The following LARS1 variants were observed in gnomAD, a reference collection of about 807,000 sequenced individuals.
The protein encoded by LARS1 is leucyl-tRNA synthetase 1, also known as leucine--tRNA ligase, cytoplasmic.
LARS1 carries 100 observed loss-of-function variants against 162.8 expected under a neutral mutation model. The ratio of observed to expected loss-of-function variants is 0.61; its 90% CI spans 0.52 to 0.73. The LOEUF (loss-of-function observed/expected upper bound fraction) is 0.73. LARS1 is among the 30% of genes least tolerant of loss of function. The probability of loss-of-function intolerance (pLI) is 0.00; values close to 1 mark genes in which losing one functional copy is unlikely to be tolerated. For synonymous variants in LARS1, 457 were observed against 462.8 expected (o/e 0.99, Z 0.16); for missense variants, 1,258 against 1,408.9 (o/e 0.89, Z 1.71).
chr5:146,157,367 T>C (rs1753577029), intron 10 of LARS1, 36 bp downstream of exon 10: 2 of 1,554,418 alleles, frequency 1.3e-6, no homozygotes, highest in Admixed American at 3.4e-5. Flanking sequence ...CCTTGAAATT[T>C]ACGCATTAAA....
In LARS1 at chr5:146,153,241, T is replaced by A; in HGVS notation, c.1231-14A>T. 1 of 1,604,368 alleles carries A rather than the reference T, an allele frequency of 6.2e-7. No homozygotes were observed. ...TGCTCGTAAGGCCTACAGAAAAATT[T>A]GCAAGTTAACACTAATGATCAACAC... On this transcript the variant is annotated splice_polypyrimidine_tract_variant and intron_variant, in intron 12 of 31. Transcript: ENST00000394434.
At chr5:146,127,583 G>A (rs1046199193) in intron 27 of LARS1, among the ~76,000 whole-genome samples, 10 of 151,950 alleles carry the variant, frequency 6.6e-5, no homozygotes, top group Non-Finnish European at 1.2e-4. Context: ...TATTATATTT[G>A]GGTTCTTCCA....
chr5:146,161,834 A>G (rs1753794354), intron 6 of LARS1, among the ~76,000 whole-genome samples: 1 of 152,170 alleles, frequency 6.6e-6, no homozygotes, highest in Admixed American at 6.5e-5. Flanking sequence ...GATATTCAAA[A>G]TCTTTGTCAT....
intron 24 of LARS1, 97 bp downstream of exon 24, chr5:146,130,922 G>C (rs915386318): frequency 3.4e-6 from 2 of 585,214 alleles, no homozygotes; most frequent in African/African-American, 3.8e-5. Context: ...CTACACTTTA[G>C]GCGAGTAATT....
In LARS1 at chr5:146,177,652, G is replaced by A; in HGVS notation, c.20C>T (p.Thr7Ile). The A allele has an allele frequency of 1.3e-6, 2 of 1,584,856 alleles. No individual in the cohort carries two copies. Among genetic ancestry groups the A allele is most frequent in the African/African-American group, 1.3e-5 (1 of 74,242 alleles). The change falls in exon 2 of 32, where the codon ACA becomes ATA. Residue 7 changes from threonine (T) to isoleucine (I), a missense_variant. Transcript: ENST00000394434. MAERKG[T>I]AKVDFLKKIE... ...CTTCTTCAAAAAGTCCACTTTGGCT[G>A]TTCCTTTTCTTTCCTATTGGACACA...
Position 146,114,074 on chromosome 5 carries a change from G to A in LARS1, c.*32C>T. On this transcript the variant is annotated 3_prime_UTR_variant, in exon 32 of 32. Transcript: ENST00000394434. The stretch of plus-strand genomic sequence containing the variant: ...ACAATCAGAGTAGTAGTATTCCTAA[G>A]AAACCAGGATAAATCTCCAATGTGC... 2 of 1,545,986 alleles carry A rather than the reference G, an allele frequency of 1.3e-6. No individual in the cohort carries two copies. The highest frequency in any genetic ancestry group is 1.8e-6 in the Non-Finnish European group (2 of 1,119,554).
At chr5:146,140,368 A>T in intron 20 of LARS1, 107 bp from the exon 21 acceptor site, 3 of 822,232 alleles carry the variant, frequency 3.6e-6, no homozygotes, top group Non-Finnish European at 6.1e-6. Flanking sequence ...TTGCTAAGAT[A>T]AAAGTGCAAG....
At chr5:146,176,500 T>C (rs1465747822) in intron 2 of LARS1, among the ~76,000 whole-genome samples, 1 of 149,196 alleles carries the variant, frequency 6.7e-6, no homozygotes, top group Non-Finnish European at 1.5e-5. Context: ...AATGAGAGTA[T>C]ACATGTAAAA....
In LARS1 at chr5:146,143,218, C is replaced by T. The variant is rs542839929; in HGVS notation, c.1878-134G>A. 9.7e-5 allele frequency: 80 copies of T among 822,812 alleles called. 1 individual carries two copies. The South Asian group carries it at 1.9e-3, about 20-fold the overall frequency. 51.0% of individuals were successfully genotyped at this position (822,812 alleles called of 1,614,324 possible). A position where few individuals can be genotyped will look rare whatever the true frequency, so the allele number is the denominator to read the frequency against. Reference sequence around the variant, plus strand: ...TTACAGGAACAAATAAGGACAACAGCTTCCATAAGAATGAAGAATAGATGA... The same window carrying T: ...TTACAGGAACAAATAAGGACAACAGTTTCCATAAGAATGAAGAATAGATGA... On this transcript the variant is annotated intron_variant, in intron 19 of 31. Coordinates refer to ENST00000394434, the MANE Select transcript of LARS1 (RefSeq NM_020117.11).
rs13161075 is a variant in LARS1 at position 146,144,838 on chromosome 5, G to C, written c.1504-129C>G. ...AAAGCCCACATTTTCATTATGTCTT[G>C]CCCGCCTTCCCAGGGTCAGTCATCT... On this transcript the variant is annotated intron_variant, in intron 15 of 31. Coordinates refer to ENST00000394434, the MANE Select transcript of LARS1 (RefSeq NM_020117.11). 193,998 of 750,416 alleles carry C rather than the reference G, an allele frequency of 0.26. 27,753 individuals carry two copies. Among genetic ancestry groups the C allele is most frequent in the Admixed American group, 0.39 (15,303 of 39,430 alleles). 46.5% of individuals were successfully genotyped at this position (750,416 alleles called of 1,614,324 possible).
At chr5:146,167,559 A>T in intron 5 of LARS1, among the ~76,000 whole-genome samples, 1 of 151,822 alleles carries the variant, frequency 6.6e-6, no homozygotes, top group African/African-American at 2.4e-5. Context: ...GCCCACCACC[A>T]CGCCCGGCTA....
rs1373135975 is a variant in LARS1 at position 146,142,852 on chromosome 5, A to G, written c.2090+20T>C. 6.3e-7 allele frequency: 1 copy of G among 1,580,768 alleles called. No individual in the cohort carries two copies. The highest frequency in any genetic ancestry group is 1.1e-5 in the South Asian group (1 of 89,900). On this transcript the variant is annotated intron_variant, in intron 20 of 31. Transcript: ENST00000394434. ...TATTGACAATCAATAAATCTAGTCC[A>G]CACCTATTTTATCATTCACCTTTGT...
Position 146,159,438 on chromosome 5 carries a change from G to A in LARS1, c.740C>T (p.Pro247Leu). 1 of 1,612,318 alleles carries A rather than the reference G, an allele frequency of 6.2e-7. No individual in the cohort carries two copies. Among genetic ancestry groups the A allele is most frequent in the Non-Finnish European group, 8.5e-7 (1 of 1,178,582 alleles). Residue 247 changes from proline (P) to leucine (L), a missense_variant, in exon 8 of 32, where the codon CCT becomes CTT. Transcript: ENST00000394434. ...YTIYSPKDGQPCMDHDRQTGE... is the reference protein window; with the variant it reads ...YTIYSPKDGQLCMDHDRQTGE... ...AGTTTGTCTATCATGATCCATGCAA[G>A]GCTGTCCATCTTTCGGAGAGTAAAT...
chr5:146,181,377 A>AC (rs1324659470), intron 1 of LARS1, among the ~76,000 whole-genome samples: 11 of 148,026 alleles, frequency 7.4e-5, no homozygotes, highest in Middle Eastern at 3.5e-3. Context: ...AAACAAACAA[A>AC]AAACAAAAAA....
intron 10 of LARS1, among the ~76,000 whole-genome samples, chr5:146,156,728 GC>G (rs1047789325): frequency 1.3e-5 from 2 of 150,558 alleles, no homozygotes; most frequent in African/African-American, 4.9e-5. Context: ...AAGTAGATGA[GC>G]TGTGTAACCA....
At position 146,143,453 on chromosome 5, in the gene LARS1, C is replaced by T; in HGVS notation, c.1836G>A (p.Gly612=). ...AFYTVAHLLQ[G]GNLHGQAESP... ...ACTCTGCCTGTCCATGCAAGTTACCCCCCTGCAATAGGTGTGCAACTGTGT... is the reference window on the plus strand; with the variant it reads ...ACTCTGCCTGTCCATGCAAGTTACCTCCCTGCAATAGGTGTGCAACTGTGT... The change falls in exon 19 of 32, where the codon GGG becomes GGA. Residue 612 remains glycine, a synonymous_variant. Transcript: ENST00000394434. The T allele has an allele frequency of 6.2e-7, 1 of 1,613,844 alleles. No homozygotes were observed.
intron 15 of LARS1, among the ~76,000 whole-genome samples, chr5:146,145,064 T>C (rs1387886568): frequency 6.6e-6 from 1 of 151,960 alleles, no homozygotes; most frequent in African/African-American, 2.4e-5. Flanking sequence ...TTTTTGGGGT[T>C]TTATGTTTTT....
At chr5:146,129,911 A>C in intron 25 of LARS1, 107 bp downstream of exon 25, 2 of 1,149,334 alleles carry the variant, frequency 1.7e-6, no homozygotes, top group Non-Finnish European at 2.5e-6. Context: ...TTACTCTTGA[A>C]TTACTCACTT....
Position 146,131,299 on chromosome 5 carries a change from G to T in LARS1, c.2397-190C>A, listed in dbSNP as rs73315752. The T allele has an allele frequency of 1.2e-5, 5 of 411,104 alleles. No individual in the cohort carries two copies. In the Admixed American group the frequency reaches 1.3e-4, roughly 11 times the overall value. The allele number at this position is 411,104 out of a possible 1,614,324, so 25.5% of individuals were successfully genotyped here. ...CTGCTCAACACAACACCATCTTTGC[G>T]TTCCTTAAAACAAATTACTGCAATC... On this transcript the variant is annotated intron_variant, in intron 23 of 31. Transcript: ENST00000394434.
Sources: gnomAD v4.1 joint callset for allele counts (sites outside exome capture counted in the v4.1 genomes callset) on GRCh38, gnomAD v4.1.1 for gene constraint, MANE v1.5 for transcripts, NCBI Gene and HGNC (gene_info 2026-07-23, HGNC 2026-07-21) for gene names.